The following ARFGEF2 variants were observed in gnomAD, a reference collection of about 807,000 sequenced individuals.
The protein encoded by ARFGEF2 is ARF guanine nucleotide exchange factor 2.
ARFGEF2 carries 74 observed loss-of-function variants against 219.9 expected under a neutral mutation model. That is an observed-to-expected ratio of 0.34 (90% CI 0.28 to 0.41). ARFGEF2 has a LOEUF of 0.41. Among genes scored for constraint, ARFGEF2 ranks in the 10% least tolerant of loss-of-function variants. ARFGEF2 has a pLI of 1.00. For missense variants in ARFGEF2, 1,743 were observed against 2,218.3 expected (o/e 0.79, Z 4.30); for synonymous variants, 733 against 799.2 (o/e 0.92, Z 1.40).
intron 3 of ARFGEF2, among the ~76,000 whole-genome samples, chr20:48,945,140 A>G (rs766070672): frequency 6.6e-6 from 1 of 152,070 alleles, no homozygotes; most frequent in Admixed American, 6.5e-5. Flanking sequence ...TCATGACTGC[A>G]TCTAAGCCTG....
chr20:48,969,953 C>G (rs2091214597), intron 9 of ARFGEF2, among the ~76,000 whole-genome samples: 1 of 152,194 alleles, frequency 6.6e-6, no homozygotes, highest in African/African-American at 2.4e-5. Flanking sequence ...CTCTATTGTT[C>G]CTGTCATTAG....
At chr20:49,005,967 GC>G (rs1329713924) in intron 26 of ARFGEF2, among the ~76,000 whole-genome samples, 1 of 151,986 alleles carries the variant, frequency 6.6e-6, no homozygotes, top group Non-Finnish European at 1.5e-5. Flanking sequence ...ATTGAGACTT[GC>G]CATCTGCTAG....
intron 25 of ARFGEF2, among the ~76,000 whole-genome samples, chr20:49,004,145 G>C (rs1448264048): frequency 2.0e-5 from 3 of 152,086 alleles, no homozygotes; most frequent in South Asian, 2.1e-4. Flanking sequence ...CTGATCACTT[G>C]AGTTCAGGAG....
At chr20:49,021,227 C>T (rs1192582889) in intron 34 of ARFGEF2, among the ~76,000 whole-genome samples, 4 of 151,112 alleles carry the variant, frequency 2.6e-5, no homozygotes, top group Non-Finnish European at 5.9e-5. Flanking sequence ...CATGGTGAGA[C>T]CCCATCTCTA....
chr20:49,023,258 G>T, intron 35 of ARFGEF2, 77 bp downstream of exon 35: 1 of 1,567,102 alleles, frequency 6.4e-7, no homozygotes, highest in Non-Finnish European at 8.7e-7. Context: ...GCGGAAGCCA[G>T]CTTGTACTGG....
rs530413492 is a variant in ARFGEF2 at position 48,965,988 on chromosome 20, G to A, written c.1024G>A (p.Asp342Asn). 1.9e-6 allele frequency: 3 copies of A among 1,614,146 alleles called. No homozygotes were observed. The highest frequency in any genetic ancestry group is 1.3e-5 in the African/African-American group (1 of 75,050). The change falls in exon 8 of 39, where the codon GAT becomes AAT. Residue 342 changes from aspartate (D) to asparagine (N), a missense_variant. Physicochemically the swap from Asp to Asn is conservative, Grantham distance 23. Transcript: ENST00000371917. ...DENSQTNGIA[D>N]DRQSLSSADN... ...AAACTCACAGACCAACGGGATAGCC[G>A]ATGACAGGCAGTCCTTGTCGTCAGC...
intron 3 of ARFGEF2, among the ~76,000 whole-genome samples, chr20:48,948,407 AGT>A (rs2091042676): frequency 6.6e-6 from 1 of 152,190 alleles, no homozygotes; most frequent in African/African-American, 2.4e-5. Flanking sequence ...ACAGGGTTAT[AGT>A]GAACATCTCT....
At chr20:48,931,191 G>A (rs937497743) in intron 1 of ARFGEF2, among the ~76,000 whole-genome samples, 2 of 152,210 alleles carry the variant, frequency 1.3e-5, no homozygotes, top group Non-Finnish European at 2.9e-5. Context: ...GGCTGTGGGA[G>A]GAGGGAGATG....
intron 28 of ARFGEF2, among the ~76,000 whole-genome samples, chr20:49,013,333 C>G (rs927231641): frequency 6.6e-6 from 1 of 151,574 alleles, no homozygotes; most frequent in South Asian, 2.1e-4. Flanking sequence ...GATCTGCCCC[C>G]CTTCAACTTG....
rs1057520166 is a variant in ARFGEF2, at chr20:48,995,830, C to T, written c.3169C>T (p.Gln1057Ter). The T allele has an allele frequency of 6.2e-7, 1 of 1,614,142 alleles. No individual in the cohort carries two copies. The highest frequency in any genetic ancestry group is 8.5e-7 in the Non-Finnish European group (1 of 1,180,026). The change falls in exon 23 of 39, where the codon CAA becomes TAA. Residue 1057 changes from glutamine (Q) to a stop codon, truncating the protein, a stop_gained. Coordinates refer to ENST00000371917, the MANE Select transcript of ARFGEF2 (RefSeq NM_006420.3). LOFTEE classifies it high-confidence loss of function. ...GVDKRQMASF[Q>*]ESVGETSSQS... ...GGATAAAAGACAGATGGCCAGCTTC[C>T]AAGAATCGGTTGGTGAGACCAGCTC... is the stretch of plus-strand genomic sequence containing the variant.
At position 49,033,251 on chromosome 20, in the gene ARFGEF2, T is replaced by C. The variant is rs1335917879; in HGVS notation, c.*52T>C. Reference sequence around the variant, plus strand: ...GCTCTGCAGAATGTTCAGCATGCCATTTCTGACTGGCACATCTCGTGAAGT... The same window carrying C: ...GCTCTGCAGAATGTTCAGCATGCCACTTCTGACTGGCACATCTCGTGAAGT... On this transcript the variant is annotated 3_prime_UTR_variant, in exon 39 of 39. Coordinates refer to ENST00000371917, the MANE Select transcript of ARFGEF2 (RefSeq NM_006420.3). 6.3e-7 allele frequency: 1 copy of C among 1,596,470 alleles called. No individual in the cohort carries two copies. The highest frequency in any genetic ancestry group is 2.2e-5 in the East Asian group (1 of 44,744).
intron 1 of ARFGEF2, among the ~76,000 whole-genome samples, chr20:48,928,704 C>T (rs2090894525): frequency 6.6e-6 from 1 of 151,792 alleles, no homozygotes; most frequent in South Asian, 2.1e-4. Context: ...CCGTGTTAGC[C>T]AGGATGGTTT....
chr20:48,999,877 A>G (rs2091414697), intron 25 of ARFGEF2, among the ~76,000 whole-genome samples: 1 of 152,176 alleles, frequency 6.6e-6, no homozygotes, highest in South Asian at 2.1e-4. Flanking sequence ...AATTTTCTCA[A>G]ACCTGGTGGT....
At chr20:49,031,402 C>T (rs2123585722) in intron 37 of ARFGEF2, among the ~76,000 whole-genome samples, 1 of 151,986 alleles carries the variant, frequency 6.6e-6, no homozygotes, top group African/African-American at 2.4e-5. Context: ...GCTAATTTTT[C>T]TATTTTTAGT....
chr20:48,941,743 C>T, intron 2 of ARFGEF2, 121 bp from the exon 3 acceptor site: 1 of 1,459,530 alleles, frequency 6.9e-7, no homozygotes. Flanking sequence ...ACTTTTAATG[C>T]CTAGCCCCAG....
chr20:48,943,460 G>C (rs909172068), intron 3 of ARFGEF2, among the ~76,000 whole-genome samples: 12 of 152,202 alleles, frequency 7.9e-5, no homozygotes, highest in Admixed American at 3.3e-4. Context: ...TATACAGGTA[G>C]TACGAGAAAC....
At chr20:48,984,657 C>A in intron 14 of ARFGEF2, 72 bp from the exon 15 acceptor site, 1 of 1,565,870 alleles carries the variant, frequency 6.4e-7, no homozygotes, top group Middle Eastern at 1.7e-4. Flanking sequence ...TATTATTTAT[C>A]TCAAATACCA....
chr20:48,991,856 T>C (rs2091359390), intron 21 of ARFGEF2, among the ~76,000 whole-genome samples: 1 of 152,322 alleles, frequency 6.6e-6, no homozygotes, highest in East Asian at 1.9e-4. Flanking sequence ...GACAGGCAGA[T>C]AGTATGTGCT....
chr20:48,927,463 C>T lies in ARFGEF2; in HGVS notation c.121+5453C>T, dbSNP rs368262538. Among the ~76,000 whole-genome samples, 320 of 152,172 alleles carry T rather than the reference C, an allele frequency of 2.1e-3. 15 individuals carry two copies. In the South Asian group the frequency reaches 0.038, roughly 18 times the overall value. ...CAGTACTTTGGGAGGTCGAGGCGGG[C>T]GGCTCAGTTGAGGCCAGGGGTTCAA... On this transcript the variant is annotated intron_variant, in intron 1 of 38. Coordinates refer to ENST00000371917, the MANE Select transcript of ARFGEF2 (RefSeq NM_006420.3).
Sources: allele counts gnomAD v4.1 joint callset (sites outside exome capture counted in the v4.1 genomes callset), GRCh38; gene constraint gnomAD v4.1.1; transcripts MANE v1.5; gene names NCBI Gene and HGNC (gene_info 2026-07-23, HGNC 2026-07-21).